Variants in L3MBTL3 observed in about 807,000 individuals in gnomAD.
The protein encoded by L3MBTL3 is L3MBTL histone methyl-lysine binding protein 3, also known as lethal(3)malignant brain tumor-like protein 3.
In L3MBTL3, 27 loss-of-function variants were observed where a neutral mutation model predicts 102.3. The observed-to-expected ratio is 0.26, with a 90% confidence interval of 0.19 to 0.36. The LOEUF (loss-of-function observed/expected upper bound fraction) is 0.36, where lower values mean the gene tolerates loss of function less well. L3MBTL3 is among the 10% of genes least tolerant of loss of function. The probability of loss-of-function intolerance (pLI) is 1.00; values close to 1 mark genes in which losing one functional copy is unlikely to be tolerated. For missense variants in L3MBTL3, 798 were observed against 955.3 expected (o/e 0.84, Z 2.17); for synonymous variants, 340 against 320.9 (o/e 1.06, Z -0.64).
At chr6:130,125,709 C>T (rs1786554269) in intron 20 of L3MBTL3, among the ~76,000 whole-genome samples, 1 of 152,170 alleles carries the variant, frequency 6.6e-6, no homozygotes, top group Non-Finnish European at 1.5e-5. Flanking sequence ...GCAGAAGCAG[C>T]CCTTTCAAAC....
In L3MBTL3 at chr6:130,063,558, A is replaced by C. The variant is rs915627706; in HGVS notation, c.865-2795A>C. On this transcript the variant is annotated intron_variant, in intron 10 of 22. Transcript: ENST00000361794. ...TAGCTTCCTGTGAGCCTCTGGTCAC[A>C]TTTTTGTCTACTGATCAGTGTGTAA... Among the ~76,000 whole-genome samples the C allele has an allele frequency of 2.6e-5, 4 of 152,178 alleles. No individual in the cohort carries two copies. The South Asian group carries it at 8.3e-4, about 32-fold the overall frequency.
intron 20 of L3MBTL3, among the ~76,000 whole-genome samples, chr6:130,132,768 G>GT (rs111843622): frequency 7.9e-4 from 117 of 147,826 alleles, no homozygotes; most frequent in South Asian, 3.8e-3. Flanking sequence ...ATTCAGTAGG[G>GT]TTTTTTTTTT....
rs549992566 is a variant in L3MBTL3, at chr6:130,083,732, C to T, written c.1407+27C>T. 211 of 1,122,140 alleles carry T rather than the reference C, an allele frequency of 1.9e-4. 1 individual carries two copies. The South Asian group carries it at 2.6e-3, about 14-fold the overall frequency. 69.5% of individuals were successfully genotyped at this position (1,122,140 alleles called of 1,614,324 possible). A position where few individuals can be genotyped will look rare whatever the true frequency, so the allele number is the denominator to read the frequency against. ...TAAGATGATACATTTTATTAATTTG[C>T]GTGGATGAGATCATTTATTTATTGA... On this transcript the variant is annotated intron_variant, in intron 15 of 22. Coordinates refer to ENST00000361794, the MANE Select transcript of L3MBTL3 (RefSeq NM_032438.4).
At chr6:130,069,798 C>T (rs1384174407) in intron 12 of L3MBTL3, among the ~76,000 whole-genome samples, 1 of 152,204 alleles carries the variant, frequency 6.6e-6, no homozygotes, top group Non-Finnish European at 1.5e-5. Flanking sequence ...ATCTTGGGCT[C>T]TCCATTTCGT....
At chr6:130,127,454 A>G (rs1307164653) in intron 20 of L3MBTL3, among the ~76,000 whole-genome samples, 2 of 152,164 alleles carry the variant, frequency 1.3e-5, no homozygotes, top group Non-Finnish European at 2.9e-5. Flanking sequence ...CTGTAGCCTA[A>G]CAAAAGTCTG....
intron 12 of L3MBTL3, among the ~76,000 whole-genome samples, chr6:130,069,911 G>A (rs1279017792): frequency 1.3e-5 from 2 of 152,156 alleles, no homozygotes; most frequent in Middle Eastern, 6.3e-3. Context: ...GCATAGTAAA[G>A]ATTTCTGTAT....
chr6:130,044,067 C>G (rs1780588546), intron 3 of L3MBTL3, among the ~76,000 whole-genome samples: 1 of 152,144 alleles, frequency 6.6e-6, no homozygotes, highest in South Asian at 2.1e-4. Context: ...TCCAAATATT[C>G]ATCTGGATAA....
intron 3 of L3MBTL3, 76 bp downstream of exon 3, chr6:130,042,877 T>C (rs887212958): frequency 2.5e-5 from 24 of 973,172 alleles, no homozygotes; most frequent in Non-Finnish European, 3.6e-5. Flanking sequence ...GATACATATG[T>C]GAAATAAAAA....
chr6:130,020,299 C>G (rs1778896312), intron 1 of L3MBTL3, among the ~76,000 whole-genome samples: 1 of 149,756 alleles, frequency 6.7e-6, no homozygotes, highest in Non-Finnish European at 1.5e-5. Context: ...AGGCATCCGC[C>G]GCGCGCCCCG....
At chr6:130,086,060 T>TCTG (rs1783665187) in intron 15 of L3MBTL3, 80 bp from the exon 16 acceptor site, 1 of 862,610 alleles carries the variant, frequency 1.2e-6, no homozygotes, top group Non-Finnish European at 1.8e-6. Context: ...GCCAGCTTTT[T>TCTG]CTTCTTCTTC....
intron 2 of L3MBTL3, among the ~76,000 whole-genome samples, chr6:130,024,501 A>G (rs902587725): frequency 6.6e-6 from 1 of 152,164 alleles, no homozygotes; most frequent in African/African-American, 2.4e-5. Flanking sequence ...TTAGTCCCTG[A>G]GTAATTGAGA....
At chr6:130,116,152 T>A (rs1785660532) in intron 19 of L3MBTL3, among the ~76,000 whole-genome samples, 1 of 152,220 alleles carries the variant, frequency 6.6e-6, no homozygotes, top group South Asian at 2.1e-4. Flanking sequence ...CAGGTGTCAG[T>A]AGATAATTTT....
chr6:130,121,303 A>G (rs756252426), intron 20 of L3MBTL3, among the ~76,000 whole-genome samples: 16 of 152,176 alleles, frequency 1.1e-4, no homozygotes, highest in Admixed American at 3.3e-4. Flanking sequence ...TTTAGCTCCC[A>G]TGTGTAAGTG....
chr6:130,064,956 A>G (rs1458919948), intron 10 of L3MBTL3, among the ~76,000 whole-genome samples: 1 of 152,068 alleles, frequency 6.6e-6, no homozygotes, highest in African/African-American at 2.4e-5. Context: ...GCTGACTGTG[A>G]GAGAGAGGAG....
chr6:130,126,769 C>T (rs1175783480), intron 20 of L3MBTL3, among the ~76,000 whole-genome samples: 2 of 151,524 alleles, frequency 1.3e-5, no homozygotes, highest in Non-Finnish European at 2.9e-5. Flanking sequence ...TAAGCTTCCC[C>T]TCTGCCTTCT....
At chr6:130,039,754 A>T (rs1380573681) in intron 2 of L3MBTL3, among the ~76,000 whole-genome samples, 1 of 152,156 alleles carries the variant, frequency 6.6e-6, no homozygotes, top group African/African-American at 2.4e-5. Flanking sequence ...AAATCTCTTT[A>T]ATGTCTAATT....
intron 13 of L3MBTL3, among the ~76,000 whole-genome samples, chr6:130,077,302 G>A (rs1450199950): frequency 6.6e-6 from 1 of 152,048 alleles, no homozygotes; most frequent in Non-Finnish European, 1.5e-5. Flanking sequence ...GCATCTTAAT[G>A]AATTATGTAT....
chr6:130,092,828 A>G lies in L3MBTL3; in HGVS notation c.1602A>G (p.Ser534=). The stretch of plus-strand genomic sequence containing the variant: ...ATATTCACCCTGTAGGCTGGTGTTC[A>G]AAAACAGGACATCCCCTTCAGCCTC... ...SPDIHPVGWC[S]KTGHPLQPPL... The change falls in exon 17 of 23, where the codon TCA becomes TCG. Residue 534 remains serine, a synonymous_variant. Transcript: ENST00000361794. The G allele has an allele frequency of 6.2e-7, 1 of 1,611,060 alleles. No individual in the cohort carries two copies. Among genetic ancestry groups the G allele is most frequent in the Non-Finnish European group, 8.5e-7 (1 of 1,177,354 alleles).
At chr6:130,096,816 A>G (rs1784388432) in intron 18 of L3MBTL3, among the ~76,000 whole-genome samples, 1 of 152,172 alleles carries the variant, frequency 6.6e-6, no homozygotes, top group Admixed American at 6.5e-5. Flanking sequence ...GTGGTAAGGA[A>G]CCCTTTCCAG....
Sources: allele counts gnomAD v4.1 joint callset (sites outside exome capture counted in the v4.1 genomes callset), GRCh38; gene constraint gnomAD v4.1.1; transcripts MANE v1.5; gene names NCBI Gene and HGNC (gene_info 2026-07-23, HGNC 2026-07-21).